The following CEP72 variants were observed in gnomAD, a reference collection of about 807,000 sequenced individuals.
CEP72 encodes the protein centrosomal protein 72.
A neutral mutation model predicts 65.7 loss-of-function variants in CEP72; 78 were observed. The observed-to-expected ratio is 1.19, with a 90% CI of 0.99 to 1.43. CEP72 has a LOEUF of 1.43. Among genes scored for constraint, CEP72 ranks in the 40% most tolerant of loss-of-function variants. CEP72 has a pLI of 0.00. For missense variants in CEP72, 914 were observed against 832.9 expected (o/e 1.10, Z -1.20); for synonymous variants, 358 against 351.7 (o/e 1.02, Z -0.20).
rs1736288217 is a variant in CEP72, at chr5:620,134, A to G, written c.276A>G (p.Ala92=). The G allele has an allele frequency of 6.2e-7, 1 of 1,614,214 alleles. No individual in the cohort carries two copies. Among genetic ancestry groups the G allele is most frequent in the Non-Finnish European group, 8.5e-7 (1 of 1,180,022 alleles). The change falls in exon 3 of 12, where the codon GCA becomes GCG. Residue 92 remains alanine (A), a synonymous_variant. Coordinates refer to ENST00000264935, the MANE Select transcript of CEP72 (RefSeq NM_018140.4). ...ACTACAACTGCATCTCCTCGTTGGC[A>G]GAAGTGTTTCGGCTCCACGCCTTAA... The part of the protein sequence containing the change: ...NLYYNCISSL[A]EVFRLHALTE...
At chr5:620,631 G>C (rs559617940) in intron 3 of CEP72, among the ~76,000 whole-genome samples, 2 of 152,332 alleles carry the variant, frequency 1.3e-5, no homozygotes, top group South Asian at 2.1e-4. Context: ...CTCAGGTGCA[G>C]CTAAACAGCA....
chr5:623,758 C>T lies in CEP72; in HGVS notation c.404-713C>T, dbSNP rs1034663463. 2.6e-5 allele frequency among the ~76,000 whole-genome samples: 4 copies of T among 151,876 alleles called. No homozygotes were observed. The highest frequency in any genetic ancestry group is 6.6e-5 in the Admixed American group (1 of 15,236). The stretch of plus-strand genomic sequence containing the variant: ...CCCCAGGTTGCAGAGGCCTCTGACT[C>T]GGCATCTTTGTGTGATTATCAGAAC... On this transcript the variant is annotated intron_variant, in intron 3 of 11. Coordinates refer to ENST00000264935, the MANE Select transcript of CEP72 (RefSeq NM_018140.4). This position sits in a 1 kb window ranked among gnomAD's most constrained non-coding sequence, Gnocchi z 5.3.
intron 4 of CEP72, among the ~76,000 whole-genome samples, chr5:625,401 TTG>T (rs965086833): frequency 1.4e-4 from 22 of 152,334 alleles, no homozygotes; most frequent in African/African-American, 3.6e-4. Flanking sequence ...GTCAGCTTTT[TTG>T]TGTGAATGTT....
At chr5:635,675 A>C in intron 6 of CEP72, 91 bp downstream of exon 6, 19 of 1,094,436 alleles carry the variant, frequency 1.7e-5, no homozygotes, top group African/African-American at 3.1e-5. Flanking sequence ...TATGTGGCTC[A>C]TGGTTCTGGA....
chr5:648,330 G>A (rs1452295628), intron 11 of CEP72, among the ~76,000 whole-genome samples: 1 of 131,524 alleles, frequency 7.6e-6, no homozygotes, highest in Non-Finnish European at 1.6e-5. Context: ...TGTGAGGCAT[G>A]GACTGTGAGG....
chr5:634,373 C>G (rs558239547), intron 5 of CEP72, among the ~76,000 whole-genome samples: 53 of 152,326 alleles, frequency 3.5e-4, no homozygotes, highest in African/African-American at 1.2e-3. Flanking sequence ...CTCCGTTGCC[C>G]GGTGGCACTG....
chr5:659,101 C>T (rs1195625546), downstream of CEP72, among the ~76,000 whole-genome samples: 1 of 152,210 alleles, frequency 6.6e-6, no homozygotes, highest in Non-Finnish European at 1.5e-5. Context: ...CCCGCATGTC[C>T]CTCTGCTCGT....
the CEP72 span, among the ~76,000 whole-genome samples, chr5:673,922 G>A: frequency 1.3e-5 from 2 of 152,250 alleles, no homozygotes; most frequent in African/African-American, 2.4e-5. Context: ...CGCAGGGAGA[G>A]TTCTGCATGT....
chr5:642,927 G>C (rs1223950306), intron 9 of CEP72: 1 of 985,348 alleles, frequency 1.0e-6, no homozygotes, highest in Admixed American at 6.1e-5. Flanking sequence ...AGCTGCAGTC[G>C]GGTGTCCTGA....
At chr5:629,468 C>T (rs1324862489) in intron 4 of CEP72, among the ~76,000 whole-genome samples, 3 of 139,922 alleles carry the variant, frequency 2.1e-5, no homozygotes, top group Non-Finnish European at 4.6e-5. Flanking sequence ...TTGACCCAGT[C>T]CTGGTGGGGT....
At chr5:633,680 C>G (rs535993734) in intron 4 of CEP72, 89 bp from the exon 5 acceptor site, 1 of 1,262,544 alleles carries the variant, frequency 7.9e-7, no homozygotes. Flanking sequence ...CTCTCAGAGA[C>G]CGTGCAGGAA....
intron 11 of CEP72, 118 bp downstream of exon 11, chr5:648,034 G>C: frequency 1.6e-6 from 1 of 639,798 alleles, no homozygotes; most frequent in Non-Finnish European, 2.8e-6. Context: ...CATGAGTCTT[G>C]GCCGATGATA....
chr5:653,956 C>CTGTG (rs570079952), downstream of CEP72, among the ~76,000 whole-genome samples: 1 of 150,488 alleles, frequency 6.6e-6, no homozygotes, highest in African/African-American at 2.5e-5. Context: ...TGTGCTAGCT[C>CTGTG]TGTGTGTGTG....
chr5:661,202 T>G (rs1739578600), downstream of CEP72: 1 of 152,836 alleles, frequency 6.5e-6, no homozygotes, highest in South Asian at 2.0e-4. Context: ...TATTCCTGTG[T>G]CCTGGTGTCA....
At chr5:628,464 C>G (rs1736910125) in intron 4 of CEP72, among the ~76,000 whole-genome samples, 1 of 136,040 alleles carries the variant, frequency 7.4e-6, no homozygotes, top group African/African-American at 3.0e-5. Context: ...CTTTGTGCAG[C>G]TTCTGGAGAA....
At chr5:665,780 GC>G (rs1739875535) in intron 3 of CEP72, among the ~76,000 whole-genome samples, 1 of 140,412 alleles carries the variant, frequency 7.1e-6, no homozygotes, top group Non-Finnish European at 1.5e-5. Flanking sequence ...CCCCATTCAT[GC>G]CCCTTCTGAC....
At position 634,184 on chromosome 5, in the gene CEP72, T is replaced by G. The variant is rs191189075; in HGVS notation, c.691+237T>G. On this transcript the variant is annotated intron_variant, in intron 5 of 11. Transcript: ENST00000264935. ...CTGCATGATGGTTTAAATTGTATCC[T>G]TCTGAGATCACAGGAAAAGGCAAAC... Among the ~76,000 whole-genome samples, 25 of 152,346 alleles carry G rather than the reference T, an allele frequency of 1.6e-4. No homozygotes were observed. In the East Asian group the frequency reaches 4.0e-3, roughly 25 times the overall value.
intron 1 of CEP72, chr5:612,666 C>T (rs912433685): frequency 4.4e-5 from 42 of 955,446 alleles, no homozygotes; most frequent in Non-Finnish European, 5.2e-5. Flanking sequence ...GGCGTCCCGG[C>T]CCCTGCCTGT....
chr5:654,186 A>ACTAGCTGTGTGTGCATG (rs1739294050), downstream of CEP72, among the ~76,000 whole-genome samples: 1 of 119,324 alleles, frequency 8.4e-6, no homozygotes, highest in Non-Finnish European at 1.7e-5. Flanking sequence ...TGCTCTGTGT[A>ACTAGCTGTGTGTGCATG]CTAGCTGTGT....
Sources: allele counts gnomAD v4.1 joint callset (sites outside exome capture counted in the v4.1 genomes callset), GRCh38; gene constraint gnomAD v4.1.1; non-coding constraint Gnocchi (gnomAD v3.1); transcripts MANE v1.5; gene names NCBI Gene and HGNC (gene_info 2026-07-23, HGNC 2026-07-21).